GPHN: variants seen among roughly 807,000 people sequenced by gnomAD.
GPHN encodes the protein gephyrin.
GPHN carries 17 observed loss-of-function variants against 95.5 expected under a neutral mutation model. That is an observed-to-expected ratio of 0.18 (90% CI 0.12 to 0.27). The LOEUF (loss-of-function observed/expected upper bound fraction) is 0.27, where lower values mean the gene tolerates loss of function less well. Among genes scored for constraint, GPHN ranks in the 10% least tolerant of loss-of-function variants. The pLI is 1.00. For missense variants in GPHN, 660 were observed against 978.1 expected (o/e 0.67, Z 4.34); for synonymous variants, 320 against 322.5 (o/e 0.99, Z 0.08).
chr14:67,662,609 G>A, the GPHN span: 20 of 1,353,624 alleles, frequency 1.5e-5, no homozygotes, highest in Non-Finnish European at 1.8e-5. Context: ...CCTCTGCTTC[G>A]AATAAGCTTC....
chr14:67,254,176 GTCTT>G, the GPHN span: 15 of 134,324 alleles, frequency 1.1e-4, no homozygotes, highest in South Asian at 7.5e-4. Flanking sequence ...GATTTTAAGT[GTCTT>G]TCTTTTTTTT....
chr14:66,740,934 C>T (rs941432466), intron 2 of GPHN, among the ~76,000 whole-genome samples: 8 of 152,076 alleles, frequency 5.3e-5, no homozygotes, highest in Non-Finnish European at 8.8e-5. Context: ...TCTGGAAAGC[C>T]GGGAAGTCCA....
intron 3 of GPHN, among the ~76,000 whole-genome samples, chr14:66,812,675 C>T (rs2060809397): frequency 6.6e-6 from 1 of 151,898 alleles, no homozygotes; most frequent in Admixed American, 6.6e-5. Context: ...AATTTAAGAC[C>T]CCACCTGAGC....
intron 9 of GPHN, among the ~76,000 whole-genome samples, chr14:66,988,037 C>T (rs562917451): frequency 1.2e-4 from 18 of 151,398 alleles, no homozygotes; most frequent in Admixed American, 2.0e-4. Flanking sequence ...TTTTTTTTTC[C>T]CTAAACTTCT....
At chr14:66,800,287 C>T (rs1288665653) in intron 3 of GPHN, among the ~76,000 whole-genome samples, 2 of 152,120 alleles carry the variant, frequency 1.3e-5, no homozygotes, top group African/African-American at 4.8e-5. Context: ...TGTGTACTTA[C>T]TATTACCAGT....
the GPHN span, among the ~76,000 whole-genome samples, chr14:67,298,384 G>A: frequency 6.6e-6 from 1 of 151,748 alleles, no homozygotes; most frequent in African/African-American, 2.4e-5. Context: ...GTGTGGTGGC[G>A]GGCACCTGTA....
chr14:67,659,562 G>A, the GPHN span, among the ~76,000 whole-genome samples: 1 of 151,342 alleles, frequency 6.6e-6, no homozygotes, highest in Admixed American at 6.6e-5. Flanking sequence ...AAATAGAGCA[G>A]ATACCAAGGG....
intron 1 of GPHN, among the ~76,000 whole-genome samples, chr14:66,657,683 A>G (rs2065384914): frequency 2.6e-5 from 4 of 152,178 alleles, no homozygotes; most frequent in Admixed American, 6.5e-5. Context: ...AAGCTAAATC[A>G]CAATACATCT....
intron 11 of GPHN, among the ~76,000 whole-genome samples, chr14:67,070,852 T>A (rs1296883559): frequency 6.6e-6 from 1 of 151,718 alleles, no homozygotes; most frequent in Non-Finnish European, 1.5e-5. Context: ...TTTTTATAGC[T>A]ATGTAATTGA....
chr14:66,827,047 G>A (rs2061409960), intron 4 of GPHN, among the ~76,000 whole-genome samples: 1 of 152,132 alleles, frequency 6.6e-6, no homozygotes, highest in Non-Finnish European at 1.5e-5. Context: ...ACTTTGAGAG[G>A]CCCAGGCGGG....
chr14:66,891,962 A>G lies in GPHN; in HGVS notation c.389+11929A>G, dbSNP rs189273930. 5.9e-5 allele frequency among the ~76,000 whole-genome samples: 9 copies of G among 152,268 alleles called. No homozygotes were observed. In the East Asian group the frequency reaches 1.7e-3, roughly 29 times the overall value. On this transcript the variant is annotated intron_variant, in intron 5 of 22. Transcript: ENST00000478722. The stretch of plus-strand genomic sequence containing the variant: ...ACCCATTACGTTGGCTGTTATCAAA[A>G]AAATAATAATAAATAAGTGGTGGCA...
chr14:66,704,769 CA>C (rs2068900847), intron 2 of GPHN, among the ~76,000 whole-genome samples: 1 of 152,000 alleles, frequency 6.6e-6, no homozygotes, highest in African/African-American at 2.4e-5. Context: ...GACGCAAGAG[CA>C]AACTAATCCG....
the GPHN span, among the ~76,000 whole-genome samples, chr14:67,546,390 G>GTTTTGT: frequency 1.3e-4 from 19 of 151,892 alleles, no homozygotes; most frequent in Non-Finnish European, 2.2e-4. Flanking sequence ...TGTGTTTTTT[G>GTTTTGT]TTTTGTTTTT....
chr14:67,622,951 G>GT, the GPHN span, among the ~76,000 whole-genome samples: 1 of 152,230 alleles, frequency 6.6e-6, no homozygotes, highest in South Asian at 2.1e-4. Flanking sequence ...ACAGCTCTTG[G>GT]TATTTTTCCA....
At chr14:67,553,120 G>A in the GPHN span, among the ~76,000 whole-genome samples, 1 of 152,014 alleles carries the variant, frequency 6.6e-6, no homozygotes, top group Non-Finnish European at 1.5e-5. Context: ...AGCAAGACAA[G>A]TTTTTCCATC....
intron 2 of GPHN, among the ~76,000 whole-genome samples, chr14:66,754,165 A>C (rs986334467): frequency 3.9e-5 from 6 of 152,078 alleles, no homozygotes; most frequent in African/African-American, 1.4e-4. Context: ...TGGTATGAAC[A>C]TTCATTTACA....
chr14:67,231,819 A>T, the GPHN span, among the ~76,000 whole-genome samples: 2 of 152,128 alleles, frequency 1.3e-5, no homozygotes, highest in South Asian at 4.2e-4. Flanking sequence ...ACACAAAAAA[A>T]TTAACTGGGC....
intron 1 of GPHN, among the ~76,000 whole-genome samples, chr14:66,530,957 T>A (rs1212535377): frequency 6.8e-6 from 1 of 147,714 alleles, no homozygotes; most frequent in Non-Finnish European, 1.5e-5. Flanking sequence ...TGTTAGATTT[T>A]TTTTTTTTTT....
chr14:67,494,399 C>G, the GPHN span, among the ~76,000 whole-genome samples: 1 of 152,178 alleles, frequency 6.6e-6, no homozygotes, highest in African/African-American at 2.4e-5. Context: ...GGTCACAGTG[C>G]TAGTAAGGGC....
Sources: allele counts gnomAD v4.1 joint callset (sites outside exome capture counted in the v4.1 genomes callset), GRCh38; gene constraint gnomAD v4.1.1; transcripts MANE v1.5; gene names NCBI Gene and HGNC (gene_info 2026-07-23, HGNC 2026-07-21).